Variants in AUTS2 observed in about 807,000 individuals in gnomAD.
The protein encoded by AUTS2 is activator of transcription and developmental regulator AUTS2.
A neutral mutation model predicts 112.4 loss-of-function variants in AUTS2; 17 were observed. That is an observed-to-expected ratio of 0.15 (90% CI 0.10 to 0.23). The LOEUF (loss-of-function observed/expected upper bound fraction) is 0.23. Ranked by LOEUF, AUTS2 falls within the 10% of genes least tolerant of loss-of-function variation. The pLI, the probability that AUTS2 is intolerant of heterozygous loss-of-function variation, is 1.00. For missense variants in AUTS2, 1,510 were observed against 1,701.6 expected (o/e 0.89, Z 1.98); for synonymous variants, 751 against 702.7 (o/e 1.07, Z -1.09).
intron 5 of AUTS2, among the ~76,000 whole-genome samples, chr7:70,682,361 A>G (rs2129545339): frequency 6.6e-6 from 1 of 152,328 alleles, no homozygotes; most frequent in South Asian, 2.1e-4. Context: ...CTCCAAAAGG[A>G]AAGGGGGGAG....
chr7:70,334,366 A>G (rs998667963), intron 4 of AUTS2, among the ~76,000 whole-genome samples: 3 of 152,150 alleles, frequency 2.0e-5, no homozygotes, highest in African/African-American at 7.2e-5. Context: ...GTAAAATCTT[A>G]AAGAGTAGGA....
intron 2 of AUTS2, among the ~76,000 whole-genome samples, chr7:69,993,273 G>T (rs1798812688): frequency 6.6e-6 from 1 of 152,112 alleles, no homozygotes; most frequent in Non-Finnish European, 1.5e-5. Flanking sequence ...CTGATTGACT[G>T]GATATATGTA....
chr7:69,892,457 A>C (rs878997942), intron 1 of AUTS2, among the ~76,000 whole-genome samples: 1 of 152,098 alleles, frequency 6.6e-6, no homozygotes, highest in Non-Finnish European at 1.5e-5. Context: ...GAATTTATTA[A>C]ATTAATATAT....
intron 1 of AUTS2, among the ~76,000 whole-genome samples, chr7:69,607,594 T>C (rs1792799252): frequency 6.6e-6 from 1 of 152,222 alleles, no homozygotes; most frequent in South Asian, 2.1e-4. Flanking sequence ...ATGTCTGAAT[T>C]CTAGTTAGTT....
intron 1 of AUTS2, among the ~76,000 whole-genome samples, chr7:69,825,536 C>T (rs1285707839): frequency 6.6e-6 from 1 of 152,042 alleles, no homozygotes; most frequent in Non-Finnish European, 1.5e-5. Flanking sequence ...TGGAGCCATG[C>T]GGTTGTATTT....
At chr7:70,207,238 C>T (rs146603548) in intron 4 of AUTS2, among the ~76,000 whole-genome samples, 3 of 152,270 alleles carry the variant, frequency 2.0e-5, no homozygotes, top group African/African-American at 7.2e-5. Context: ...ACACATAAAT[C>T]TCTATGCTTA....
At chr7:70,237,201 T>C (rs1451472221) in intron 4 of AUTS2, among the ~76,000 whole-genome samples, 1 of 152,148 alleles carries the variant, frequency 6.6e-6, no homozygotes, top group African/African-American at 2.4e-5. Flanking sequence ...CAATAAAAAA[T>C]ATTGCATTTT....
intron 4 of AUTS2, among the ~76,000 whole-genome samples, chr7:70,294,562 C>A (rs1412262494): frequency 6.6e-6 from 1 of 152,204 alleles, no homozygotes; most frequent in African/African-American, 2.4e-5. Flanking sequence ...TCTGGAGCTG[C>A]AACAGTAAAA....
At chr7:70,643,439 T>G (rs1050670216) in intron 5 of AUTS2, among the ~76,000 whole-genome samples, 8 of 152,076 alleles carry the variant, frequency 5.3e-5, no homozygotes, top group African/African-American at 1.9e-4. Flanking sequence ...GGCATGGTGG[T>G]GCGTGCCTGT....
chr7:70,792,360 CTT>C lies in AUTS2; in HGVS notation c.*1366_*1367del, dbSNP rs1438503865. 6.6e-6 allele frequency: 1 copy of C among 152,290 alleles called. No individual in the cohort carries two copies. Among genetic ancestry groups the C allele is most frequent in the African/African-American group, 2.4e-5 (1 of 41,324 alleles). The allele number at this position is 152,290 out of a possible 1,614,324, so 9.4% of individuals were successfully genotyped here. A position where few individuals can be genotyped will look rare whatever the true frequency, so the allele number is the denominator to read the frequency against. ...GTCTACATATTTGGAGAGAATATGA[CTT>C]TACTAGCAGAGAAATACAATATATC... On this transcript the variant is annotated 3_prime_UTR_variant, in exon 19 of 19. Transcript: ENST00000342771.
intron 1 of AUTS2, among the ~76,000 whole-genome samples, chr7:69,793,752 A>T (rs1486823388): frequency 2.0e-5 from 3 of 152,106 alleles, no homozygotes; most frequent in Non-Finnish European, 2.9e-5. Flanking sequence ...ATGTTTAAAC[A>T]TTTAAAAACA....
rs398085872 is a variant in AUTS2 at position 70,793,104 on chromosome 7, G to GA, written c.*2108_*2109insA. ...TGTGGTTTGTTTTTTGAGGAGGGGG[G>GA]GTTCTGTTAGTTTTTCGTATGTCCA... On this transcript the variant is annotated 3_prime_UTR_variant, in exon 19 of 19. Coordinates refer to ENST00000342771, the MANE Select transcript of AUTS2 (RefSeq NM_015570.4). The GA allele has an allele frequency of 6.6e-6, 1 of 151,852 alleles. No individual in the cohort carries two copies. Among genetic ancestry groups the GA allele is most frequent in the African/African-American group, 2.4e-5 (1 of 41,290 alleles). 9.4% of individuals were successfully genotyped at this position (151,852 alleles called of 1,614,324 possible). A position where few individuals can be genotyped will look rare whatever the true frequency, so the allele number is the denominator to read the frequency against.
chr7:70,303,601 A>G (rs1041573192), intron 4 of AUTS2, among the ~76,000 whole-genome samples: 2 of 151,956 alleles, frequency 1.3e-5, no homozygotes, highest in African/African-American at 2.4e-5. Context: ...GACTCTTTGC[A>G]CTCTAATCCC....
At chr7:70,671,096 T>C (rs6460550) in intron 5 of AUTS2, among the ~76,000 whole-genome samples, 113,300 of 152,196 alleles carry the variant, frequency 0.74, 42,563 homozygotes, top group East Asian at 1. Context: ...TGCTTGAACC[T>C]GGTGGGGGGA....
At chr7:70,724,361 A>G (rs1786883198) in intron 6 of AUTS2, among the ~76,000 whole-genome samples, 1 of 151,900 alleles carries the variant, frequency 6.6e-6, no homozygotes, top group Admixed American at 6.6e-5. Context: ...TCTGTTTTAT[A>G]GTAAGCTTAT....
intron 3 of AUTS2, among the ~76,000 whole-genome samples, chr7:70,133,678 T>G (rs1281590292): frequency 6.6e-6 from 1 of 152,162 alleles, no homozygotes; most frequent in Non-Finnish European, 1.5e-5. Context: ...ATTTCAAGCT[T>G]AATCACAAAG....
chr7:70,590,592 G>A (rs1057241563), intron 5 of AUTS2, among the ~76,000 whole-genome samples: 5 of 152,066 alleles, frequency 3.3e-5, no homozygotes, highest in East Asian at 1.9e-4. Context: ...CCTTTGAGCC[G>A]GTCATCATAG....
intron 4 of AUTS2, among the ~76,000 whole-genome samples, chr7:70,182,159 G>A (rs551132416): frequency 1.3e-5 from 2 of 152,200 alleles, no homozygotes; most frequent in East Asian, 3.9e-4. Flanking sequence ...AACATTCAAA[G>A]TCTCCCTGTT....
chr7:70,785,910 C>T, intron 16 of AUTS2, 45 bp from the exon 17 acceptor site: 1 of 1,592,340 alleles, frequency 6.3e-7, no homozygotes, highest in Non-Finnish European at 8.6e-7. Context: ...GTTCCTCTCC[C>T]AGCAGAGCCC....
Sources: allele counts gnomAD v4.1 joint callset (sites outside exome capture counted in the v4.1 genomes callset), GRCh38; gene constraint gnomAD v4.1.1; transcripts MANE v1.5; gene names NCBI Gene and HGNC (gene_info 2026-07-23, HGNC 2026-07-21).